The following L3MBTL4 variants were observed in gnomAD, a reference collection of about 807,000 sequenced individuals.
L3MBTL4 encodes the protein lethal(3)malignant brain tumor-like protein 4.
In L3MBTL4, 70 loss-of-function variants were observed where a neutral mutation model predicts 84.5. The ratio of observed to expected loss-of-function variants is 0.83; its 90% CI spans 0.68 to 1.01. The LOEUF (loss-of-function observed/expected upper bound fraction) is 1.01, where lower values mean the gene tolerates loss of function less well. Ranked by LOEUF, L3MBTL4 falls within the 50% of genes least tolerant of loss-of-function variation. The pLI, the probability that L3MBTL4 is intolerant of heterozygous loss-of-function variation, is 0.00. For synonymous variants in L3MBTL4, 274 were observed against 259.8 expected (o/e 1.05, Z -0.52); for missense variants, 715 against 754.8 (o/e 0.95, Z 0.62).
intron 12 of L3MBTL4, among the ~76,000 whole-genome samples, chr18:6,188,668 G>A (rs2044906227): frequency 6.6e-6 from 1 of 152,218 alleles, no homozygotes; most frequent in Non-Finnish European, 1.5e-5. Context: ...GACAGAGGAA[G>A]ACACAGCCAG....
chr18:6,196,209 C>A (rs140956567), intron 12 of L3MBTL4, among the ~76,000 whole-genome samples: 2 of 146,590 alleles, frequency 1.4e-5, no homozygotes, highest in African/African-American at 5.2e-5. Flanking sequence ...CCAGGCTGTA[C>A]TGCAGTGGCA....
At chr18:5,959,995 A>C (rs2095254254) in intron 18 of L3MBTL4, 99 bp downstream of exon 18, 1 of 215,194 alleles carries the variant, frequency 4.6e-6, no homozygotes, top group South Asian at 1.6e-4. Context: ...TGGGTCTAGA[A>C]GTATAGAAAT....
chr18:6,038,251 C>CTTTTTTTTTTTTTTTTTTTTTT (rs34580980), intron 16 of L3MBTL4, among the ~76,000 whole-genome samples: 1 of 97,862 alleles, frequency 1.0e-5, no homozygotes, highest in Admixed American at 1.3e-4. Flanking sequence ...ATTTCTGGAT[C>CTTTTTTTTTTTTTTTTTTTTTT]TTTTTTTTTT....
intron 1 of L3MBTL4, among the ~76,000 whole-genome samples, chr18:6,375,655 G>T (rs188143902): frequency 3.5e-4 from 53 of 152,240 alleles, no homozygotes; most frequent in African/African-American, 1.2e-3. Flanking sequence ...AACGTCTGGG[G>T]CACAGGAGGT....
chr18:6,198,592 C>T (rs892485967), intron 12 of L3MBTL4, among the ~76,000 whole-genome samples: 1 of 152,138 alleles, frequency 6.6e-6, no homozygotes, highest in African/African-American at 2.4e-5. Flanking sequence ...TCCAAGCCAC[C>T]TGCTTTAAGC....
intron 16 of L3MBTL4, among the ~76,000 whole-genome samples, chr18:6,019,845 T>C (rs962479467): frequency 6.6e-6 from 1 of 152,228 alleles, no homozygotes; most frequent in Non-Finnish European, 1.5e-5. Flanking sequence ...ATTTAGATCA[T>C]GTGTGTTTCT....
At chr18:6,025,357 C>A (rs565341838) in intron 16 of L3MBTL4, 4 of 152,354 alleles carry the variant, frequency 2.6e-5, no homozygotes, top group African/African-American at 4.8e-5. Flanking sequence ...TGGCCCCAAA[C>A]CCCACAGACC....
In L3MBTL4 at chr18:6,306,028, T is replaced by C. The variant is rs385374; in HGVS notation, c.73-4071A>G. Among the ~76,000 whole-genome samples the C allele has an allele frequency of 3.8e-3, 584 of 152,334 alleles. 5 individuals carry two copies. The highest frequency in any genetic ancestry group is 0.013 in the African/African-American group (544 of 41,572). ...TCAAGGATTTCTGAGAACCCTGCTG[T>C]TCTTGTTCCATAAGAACCTGCTATC... On this transcript the variant is annotated intron_variant, in intron 3 of 18. Coordinates refer to ENST00000317931, the MANE Select transcript of L3MBTL4 (RefSeq NM_001330559.2).
intron 14 of L3MBTL4, among the ~76,000 whole-genome samples, chr18:6,095,053 A>G (rs2058585473): frequency 6.6e-6 from 1 of 152,264 alleles, no homozygotes; most frequent in Non-Finnish European, 1.5e-5. Context: ...TTCAGTGAAG[A>G]CGTTAAGACA....
In L3MBTL4 at chr18:5,960,115, A is replaced by G; in HGVS notation, c.1656T>C (p.His552=). ...FVQSLLGCEE[H]AKCFKKEQID... is the part of the protein sequence containing the mutation. ...TTACCTCTTTCTTAAAGCACTTGGC[A>G]TGCTCTTCACAGCCCAGAAGAGACT... The change falls in exon 18 of 19, where the codon CAT becomes CAC. Residue 552 remains histidine (H), a synonymous_variant. Coordinates refer to ENST00000317931, the MANE Select transcript of L3MBTL4 (RefSeq NM_001330559.2). The G allele has an allele frequency of 1.9e-6, 3 of 1,559,072 alleles. No homozygotes were observed. The highest frequency in any genetic ancestry group is 2.6e-6 in the Non-Finnish European group (3 of 1,151,086).
At chr18:6,003,725 T>G (rs1477295745) in intron 16 of L3MBTL4, among the ~76,000 whole-genome samples, 2 of 151,926 alleles carry the variant, frequency 1.3e-5, no homozygotes, top group Non-Finnish European at 2.9e-5. Flanking sequence ...TTAGGTGAAA[T>G]TAAAAGTCAA....
At chr18:6,023,926 T>C (rs575947783) in intron 16 of L3MBTL4, among the ~76,000 whole-genome samples, 2 of 152,362 alleles carry the variant, frequency 1.3e-5, no homozygotes, top group East Asian at 1.9e-4. Flanking sequence ...ACATAGCTAT[T>C]ACGCTTTTTA....
chr18:6,040,924 T>G (rs972734189), intron 16 of L3MBTL4, among the ~76,000 whole-genome samples: 3 of 143,452 alleles, frequency 2.1e-5, no homozygotes, highest in African/African-American at 8.3e-5. Context: ...CTATAAAATT[T>G]GAGTTGTTTT....
intron 1 of L3MBTL4, among the ~76,000 whole-genome samples, chr18:6,355,770 T>C (rs1487107700): frequency 1.3e-5 from 2 of 152,150 alleles, no homozygotes; most frequent in Non-Finnish European, 2.9e-5. Context: ...GAGTAAACAG[T>C]GTGCTAGGTA....
intron 12 of L3MBTL4, among the ~76,000 whole-genome samples, chr18:6,198,131 T>C (rs2045488843): frequency 6.6e-6 from 1 of 152,164 alleles, no homozygotes; most frequent in African/African-American, 2.4e-5. Context: ...TGATGAAAAA[T>C]TATCTTATTT....
rs1472227383 is a variant in L3MBTL4 at position 6,253,896 on chromosome 18, G to C, written c.220-9308C>G. The stretch of plus-strand genomic sequence containing the variant: ...AGCAGGAATGTTAGATTTTCTTCTG[G>C]CTTTCTCTTGTTTTAATCACAGAAA... On this transcript the variant is annotated intron_variant, in intron 5 of 18. Coordinates refer to ENST00000317931, the MANE Select transcript of L3MBTL4 (RefSeq NM_001330559.2). Among the ~76,000 whole-genome samples the C allele has an allele frequency of 2.0e-5, 3 of 152,112 alleles. No homozygotes were observed. In the East Asian group the frequency reaches 5.8e-4, roughly 29 times the overall value.
intron 16 of L3MBTL4, among the ~76,000 whole-genome samples, chr18:6,066,516 T>C (rs1228111663): frequency 6.6e-6 from 1 of 152,172 alleles, no homozygotes. Flanking sequence ...AGTAATTATT[T>C]TATAAATCTG....
intron 16 of L3MBTL4, among the ~76,000 whole-genome samples, chr18:6,054,835 C>T (rs1171291354): frequency 6.6e-6 from 1 of 152,206 alleles, no homozygotes; most frequent in Non-Finnish European, 1.5e-5. Flanking sequence ...TGTGGAAATG[C>T]CGCAAGGCCC....
chr18:6,311,760 T>A, intron 2 of L3MBTL4, 104 bp from the exon 3 acceptor site: 1 of 689,568 alleles, frequency 1.5e-6, no homozygotes, highest in South Asian at 1.7e-5. Flanking sequence ...TCATAGTTGG[T>A]TACTATAAAT....
Sources: allele counts gnomAD v4.1 joint callset (sites outside exome capture counted in the v4.1 genomes callset), GRCh38; gene constraint gnomAD v4.1.1; transcripts MANE v1.5; gene names NCBI Gene and HGNC (gene_info 2026-07-23, HGNC 2026-07-21).